Variants in SIPA1L1 observed in about 807,000 individuals in gnomAD.
SIPA1L1 encodes signal induced proliferation associated 1 like 1, also known as signal-induced proliferation-associated 1-like protein 1.
In SIPA1L1, 26 loss-of-function variants were observed where a neutral mutation model predicts 162.7. The ratio of observed to expected loss-of-function variants is 0.16; its 90% CI spans 0.12 to 0.22. The LOEUF (loss-of-function observed/expected upper bound fraction) is 0.22. Among genes scored for constraint, SIPA1L1 ranks in the 10% least tolerant of loss-of-function variants. The pLI, the probability that SIPA1L1 is intolerant of heterozygous loss-of-function variation, is 1.00. For missense variants in SIPA1L1, 1,874 were observed against 2,241.0 expected, an observed-to-expected ratio of 0.84 and a Z score of 3.31; for synonymous variants, 829 against 837.4, an observed-to-expected ratio of 0.99 and a Z score of 0.17.
rs146467819 is a variant in SIPA1L1 at position 71,579,560 on chromosome 14, C to T, written c.-302-8011C>T. ...GAGGTTATGCTCAGAGATAACGGTA[C>T]AGTCAGACAGACAGAGGAACCATAT... is the stretch of plus-strand genomic sequence containing the variant. On this transcript the variant is annotated intron_variant, in intron 4 of 23. Coordinates refer to ENST00000381232, the MANE Select transcript of SIPA1L1 (RefSeq NM_001386936.1). 2.8e-3 allele frequency among the ~76,000 whole-genome samples: 419 copies of T among 152,252 alleles called. 17 individuals are homozygous for T. Among genetic ancestry groups the T allele is most frequent in the Admixed American group, 0.025 (383 of 15,286 alleles).
At chr14:71,449,496 T>C (rs1164395678) in intron 2 of SIPA1L1, among the ~76,000 whole-genome samples, 1 of 152,208 alleles carries the variant, frequency 6.6e-6, no homozygotes, top group Non-Finnish European at 1.5e-5. Context: ...ACAGCTAACA[T>C]TAGTCACAAG....
At chr14:71,631,941 A>G (rs1186942960) in intron 7 of SIPA1L1, among the ~76,000 whole-genome samples, 1 of 152,230 alleles carries the variant, frequency 6.6e-6, no homozygotes, top group Non-Finnish European at 1.5e-5. Context: ...CAAAGCAAAT[A>G]ATGTGAATTA....
intron 4 of SIPA1L1, chr14:71,573,512 CAA>C: frequency 2.2e-6 from 1 of 454,652 alleles, no homozygotes; most frequent in South Asian, 1.6e-5. Flanking sequence ...TTTGGGACCT[CAA>C]GAGAAAGAGT....
intron 7 of SIPA1L1, among the ~76,000 whole-genome samples, chr14:71,632,556 G>A (rs184553210): frequency 7.9e-5 from 12 of 152,288 alleles, no homozygotes; most frequent in Non-Finnish European, 4.4e-5. Context: ...TCATCACGGT[G>A]GAGTGGTAAT....
At chr14:71,353,938 A>G (rs149512175) in intron 2 of SIPA1L1, among the ~76,000 whole-genome samples, 81 of 152,142 alleles carry the variant, frequency 5.3e-4, no homozygotes, top group African/African-American at 1.9e-3. Context: ...TCAGCATTTT[A>G]TAAAGAAAGG....
chr14:71,376,568 A>AT (rs958406791), intron 2 of SIPA1L1, among the ~76,000 whole-genome samples: 30 of 146,638 alleles, frequency 2.0e-4, no homozygotes, highest in East Asian at 4.0e-4. Flanking sequence ...TCATTTATTT[A>AT]TTTTTTTTTA....
chr14:71,587,965 T>A lies in SIPA1L1; in HGVS notation c.93T>A (p.Thr31=), dbSNP rs758531666. 6.2e-7 allele frequency: 1 copy of A among 1,614,094 alleles called. No homozygotes were observed. Among genetic ancestry groups the A allele is most frequent in the Admixed American group, 1.7e-5 (1 of 60,018 alleles). ...VGTDGTPKVH[T]DDFYMRRFRS... is the part of the protein sequence containing the mutation. ...CAGACGGCACCCCCAAAGTCCACAC[T>A]GATGATTTCTACATGCGGCGCTTCC... Residue 31 remains threonine, a synonymous_variant, in exon 5 of 24, where the codon ACT becomes ACA. Coordinates refer to ENST00000381232, the MANE Select transcript of SIPA1L1 (RefSeq NM_001386936.1).
Position 71,735,254 on chromosome 14 carries a change from A to G in SIPA1L1, c.5009-23A>G, listed in dbSNP as rs1204991. On this transcript the variant is annotated intron_variant, in intron 21 of 23. Coordinates refer to ENST00000381232, the MANE Select transcript of SIPA1L1 (RefSeq NM_001386936.1). ...CAGGGATGTGGTTCCAAAATACTAA[A>G]TGGTTTCTTCTCTCCTTTCCAGTCC... 1.0e-3 allele frequency: 1,609 copies of G among 1,544,332 alleles called. 23 individuals are homozygous for G. The African/African-American group carries it at 0.019, about 18-fold the overall frequency.
intron 2 of SIPA1L1, among the ~76,000 whole-genome samples, chr14:71,491,649 C>A (rs1040661656): frequency 2.0e-5 from 3 of 152,002 alleles, no homozygotes; most frequent in Non-Finnish European, 4.4e-5. Flanking sequence ...ATCCTCCCAC[C>A]TCAACCCCAC....
intron 2 of SIPA1L1, among the ~76,000 whole-genome samples, chr14:71,412,403 G>A (rs1320170742): frequency 6.6e-6 from 1 of 152,164 alleles, no homozygotes; most frequent in Non-Finnish European, 1.5e-5. Flanking sequence ...CAAAAGATTG[G>A]ACATTCCTTC....
intron 4 of SIPA1L1, among the ~76,000 whole-genome samples, chr14:71,554,556 A>G (rs962562917): frequency 3.3e-5 from 5 of 152,164 alleles, no homozygotes; most frequent in African/African-American, 1.2e-4. Context: ...AACACTTCCC[A>G]CAGGTGACCT....
intron 4 of SIPA1L1, among the ~76,000 whole-genome samples, chr14:71,569,404 C>T (rs1466782728): frequency 6.6e-6 from 1 of 152,110 alleles, no homozygotes; most frequent in Non-Finnish European, 1.5e-5. Flanking sequence ...GGGTCCTTTC[C>T]CTAACCATAG....
chr14:71,702,312 C>T (rs2149841447), intron 14 of SIPA1L1, 69 bp from the exon 15 acceptor site: 1 of 1,569,906 alleles, frequency 6.4e-7, no homozygotes, highest in Non-Finnish European at 8.7e-7. Context: ...GTTCATTACA[C>T]CCAGGACTGC....
chr14:71,549,410 A>G (rs2055575430), intron 4 of SIPA1L1, among the ~76,000 whole-genome samples: 1 of 152,036 alleles, frequency 6.6e-6, no homozygotes, highest in East Asian at 1.9e-4. Context: ...GAACCAAGTA[A>G]TTCTGCTGAC....
chr14:71,683,235 G>A (rs1178204222), intron 12 of SIPA1L1, among the ~76,000 whole-genome samples: 2 of 152,172 alleles, frequency 1.3e-5, no homozygotes, highest in East Asian at 1.9e-4. Context: ...AGTAGTGAAA[G>A]CAAAACATGG....
chr14:71,634,149 C>T (rs187152151), intron 7 of SIPA1L1, among the ~76,000 whole-genome samples: 1 of 151,662 alleles, frequency 6.6e-6, no homozygotes, highest in African/African-American at 2.4e-5. Context: ...GCCTGTAATC[C>T]CAGCACTTTG....
intron 2 of SIPA1L1, among the ~76,000 whole-genome samples, chr14:71,423,285 T>G (rs1439183402): frequency 2.0e-5 from 3 of 152,166 alleles, no homozygotes; most frequent in Non-Finnish European, 4.4e-5. Flanking sequence ...CCTTTTTTAG[T>G]CTGTTGATAG....
chr14:71,604,492 G>GGTA (rs2037240842), intron 5 of SIPA1L1, among the ~76,000 whole-genome samples: 1 of 151,870 alleles, frequency 6.6e-6, no homozygotes, highest in Admixed American at 6.6e-5. Context: ...TTTTCATGTT[G>GGTA]GTAGTAGTTA....
chr14:71,417,915 T>C (rs1479408150), intron 2 of SIPA1L1, among the ~76,000 whole-genome samples: 3 of 152,190 alleles, frequency 2.0e-5, no homozygotes, highest in South Asian at 2.1e-4. Context: ...CTGAGGTCAC[T>C]TCAGAATTAT....
Sources: gnomAD v4.1 joint callset for allele counts (sites outside exome capture counted in the v4.1 genomes callset) on GRCh38, gnomAD v4.1.1 for gene constraint, MANE v1.5 for transcripts, NCBI Gene and HGNC (gene_info 2026-07-23, HGNC 2026-07-21) for gene names.